The following CNTN6 variants were observed in gnomAD, a reference collection of about 807,000 sequenced individuals.
The protein encoded by CNTN6 is contactin 6.
CNTN6 carries 137 observed loss-of-function variants against 122.8 expected under a neutral mutation model. The ratio of observed to expected loss-of-function variants is 1.12; its 90% CI spans 0.97 to 1.29. The LOEUF (loss-of-function observed/expected upper bound fraction) is 1.29, where lower values mean the gene tolerates loss of function less well. CNTN6 is among the 50% of genes most tolerant of loss of function. The pLI is 0.00. For synonymous variants in CNTN6, 570 were observed against 426.0 expected (o/e 1.34, Z -4.16); for missense variants, 1,634 against 1,223.4 (o/e 1.34, Z -5.01).
intron 2 of CNTN6, among the ~76,000 whole-genome samples, chr3:1,187,053 C>T (rs1303643428): frequency 6.6e-6 from 1 of 152,078 alleles, no homozygotes; most frequent in Non-Finnish European, 1.5e-5. Context: ...GCAAATGGCC[C>T]AACACGAGGA....
chr3:1,136,385 G>A (rs956349967), intron 1 of CNTN6, among the ~76,000 whole-genome samples: 2 of 152,050 alleles, frequency 1.3e-5, no homozygotes, highest in Non-Finnish European at 2.9e-5. Flanking sequence ...AGCGTTCACT[G>A]TTGGAAAAGC....
intron 20 of CNTN6, among the ~76,000 whole-genome samples, chr3:1,394,851 A>G (rs571814119): frequency 6.6e-6 from 1 of 152,314 alleles, no homozygotes; most frequent in African/African-American, 2.4e-5. Flanking sequence ...GTCAAAGAGT[A>G]GGAGATAAAA....
At chr3:1,281,991 C>G (rs1332799982) in intron 5 of CNTN6, among the ~76,000 whole-genome samples, 1 of 151,410 alleles carries the variant, frequency 6.6e-6, no homozygotes, top group Non-Finnish European at 1.5e-5. Context: ...TATACACACA[C>G]ACACACACAC....
intron 1 of CNTN6, among the ~76,000 whole-genome samples, chr3:1,139,595 T>C (rs1199235738): frequency 6.6e-6 from 1 of 152,092 alleles, no homozygotes; most frequent in Non-Finnish European, 1.5e-5. Flanking sequence ...AAAAAAAAAC[T>C]TCAGCTGAAT....
chr3:1,245,297 TATATA>T (rs2094561222), intron 4 of CNTN6, among the ~76,000 whole-genome samples: 4 of 4,236 alleles, frequency 9.4e-4, no homozygotes, highest in Non-Finnish European at 1.3e-3. Flanking sequence ...ATATATAACA[TATATA>T]TATATATATA....
chr3:1,272,464 T>TA (rs1375718458), intron 4 of CNTN6, among the ~76,000 whole-genome samples: 1 of 152,190 alleles, frequency 6.6e-6, no homozygotes, highest in Admixed American at 6.5e-5. Context: ...CTCCATATAT[T>TA]AAAAAATGAA....
intron 11 of CNTN6, among the ~76,000 whole-genome samples, chr3:1,346,812 C>T (rs1004123918): frequency 3.9e-5 from 6 of 152,022 alleles, no homozygotes; most frequent in Non-Finnish European, 7.4e-5. Context: ...GCACATGCTG[C>T]GGGTAAAGAA....
At chr3:1,330,625 A>C (rs899113735) in intron 11 of CNTN6, among the ~76,000 whole-genome samples, 1 of 151,918 alleles carries the variant, frequency 6.6e-6, no homozygotes, top group African/African-American at 2.4e-5. Flanking sequence ...CTCTATAATC[A>C]GATATGCAAT....
intron 1 of CNTN6, among the ~76,000 whole-genome samples, chr3:1,100,085 T>C (rs1344893545): frequency 6.6e-6 from 1 of 152,184 alleles, no homozygotes; most frequent in East Asian, 1.9e-4. Flanking sequence ...AAGGTTTTTT[T>C]AGACTTATGA....
intron 19 of CNTN6, among the ~76,000 whole-genome samples, chr3:1,384,760 C>T (rs60306909): frequency 0.015 from 1,508 of 99,884 alleles, 33 homozygotes; most frequent in African/African-American, 0.045. Flanking sequence ...CATATATATA[C>T]ATATATATAC....
chr3:1,286,318 G>C (rs1357660843), intron 5 of CNTN6, among the ~76,000 whole-genome samples: 2 of 152,102 alleles, frequency 1.3e-5, no homozygotes, highest in Non-Finnish European at 2.9e-5. Flanking sequence ...ATCTACATTA[G>C]GTTTTTCTCC....
In CNTN6 at chr3:1,245,295, CATAT is replaced by C. The variant is rs71056326; in HGVS notation, c.358+17340_358+17343del. On this transcript the variant is annotated intron_variant, in intron 4 of 22. Transcript: ENST00000446702. ...TATATACACACACATATATATATAA[CATAT>C]ATATATATATATATATATATATATA... Among the ~76,000 whole-genome samples the C allele has an allele frequency of 6.1e-3, 23 of 3,786 alleles. 1 individual carries two copies. The highest frequency in any genetic ancestry group is 0.019 in the South Asian group (2 of 104). The allele number at this position is 3,786 out of a possible 152,430, so 2.5% of individuals were successfully genotyped here.
chr3:1,128,639 T>C (rs1473361196), intron 1 of CNTN6, among the ~76,000 whole-genome samples: 1 of 152,000 alleles, frequency 6.6e-6, no homozygotes, highest in African/African-American at 2.4e-5. Flanking sequence ...AACATAGCTG[T>C]GCTGGTTTTA....
At chr3:1,368,937 C>G (rs1053994137) in intron 12 of CNTN6, among the ~76,000 whole-genome samples, 2 of 152,184 alleles carry the variant, frequency 1.3e-5, no homozygotes, top group African/African-American at 2.4e-5. Context: ...AATTATGTAG[C>G]TGACCTTAAT....
chr3:1,241,811 A>C (rs1015042103), intron 4 of CNTN6, among the ~76,000 whole-genome samples: 2 of 152,218 alleles, frequency 1.3e-5, no homozygotes, highest in Admixed American at 6.5e-5. Flanking sequence ...CTGCAGCTAA[A>C]GAGTCAACTT....
intron 2 of CNTN6, among the ~76,000 whole-genome samples, chr3:1,195,437 G>A (rs945025842): frequency 2.0e-5 from 3 of 152,174 alleles, no homozygotes; most frequent in African/African-American, 7.2e-5. Context: ...TGGTTGGCCA[G>A]TATGGAATAT....
At position 1,325,918 on chromosome 3, in the gene CNTN6, A is replaced by G. The variant is rs746175346; in HGVS notation, c.1050A>G (p.Thr350=). 27 of 1,611,308 alleles carry G rather than the reference A, an allele frequency of 1.7e-5. No homozygotes were observed. In the South Asian group the frequency reaches 2.5e-4, roughly 15 times the overall value. Residue 350 remains threonine, a synonymous_variant, in exon 9 of 23, where the codon ACA becomes ACG. Transcript: ENST00000446702. The part of the protein sequence containing the change: ...KASGKPNPWY[T]WLKNGERLNP... ...GTGGAAAGCCAAACCCTTGGTATAC[A>G]TGGTTAAAAAATGGTGAACGACTCA...
At chr3:1,326,833 A>C (rs186044100) in intron 9 of CNTN6, among the ~76,000 whole-genome samples, 90 of 151,990 alleles carry the variant, frequency 5.9e-4, no homozygotes, top group Admixed American at 9.2e-4. Context: ...TTTTCCCTAG[A>C]GGATGGTAAT....
At chr3:1,111,189 A>G (rs1406896885) in intron 1 of CNTN6, among the ~76,000 whole-genome samples, 1 of 152,196 alleles carries the variant, frequency 6.6e-6, no homozygotes, top group African/African-American at 2.4e-5. Context: ...GGACTATTGT[A>G]GATGTTATGC....
Sources: allele counts gnomAD v4.1 joint callset (sites outside exome capture counted in the v4.1 genomes callset), GRCh38; gene constraint gnomAD v4.1.1; transcripts MANE v1.5; gene names NCBI Gene and HGNC (gene_info 2026-07-23, HGNC 2026-07-21).